The following ABCC6 variants were observed in gnomAD, a reference collection of about 807,000 sequenced individuals.
ABCC6 encodes ATP binding cassette subfamily C member 6.
In ABCC6, 126 loss-of-function variants were observed where a neutral mutation model predicts 169.5. That is an observed-to-expected ratio of 0.74 (90% CI 0.64 to 0.86). The LOEUF (loss-of-function observed/expected upper bound fraction) is 0.86. Ranked by LOEUF, ABCC6 falls within the 40% of genes least tolerant of loss-of-function variation. The probability of loss-of-function intolerance (pLI) is 0.00; values close to 1 mark genes in which losing one functional copy is unlikely to be tolerated. For synonymous variants in ABCC6, 752 were observed against 814.7 expected (o/e 0.92, Z 1.31); for missense variants, 1,733 against 1,927.2 (o/e 0.90, Z 1.89).
chr16:16,173,177 C>T, intron 21 of ABCC6, 107 bp downstream of exon 21: 1 of 1,507,762 alleles, frequency 6.6e-7, no homozygotes, highest in Non-Finnish European at 9.1e-7. Context: ...ATAGTAGGTG[C>T]TCAAGAAAGG....
At chr16:16,188,442 G>C (rs2047726198) in intron 13 of ABCC6, among the ~76,000 whole-genome samples, 1 of 152,096 alleles carries the variant, frequency 6.6e-6, no homozygotes, top group South Asian at 2.1e-4. Context: ...AGATGGCTCA[G>C]GTATGCCGCC....
chr16:16,163,283 C>T, intron 23 of ABCC6, 91 bp from the exon 24 acceptor site: 2 of 1,250,352 alleles, frequency 1.6e-6, no homozygotes, highest in Non-Finnish European at 2.3e-6. Flanking sequence ...GTACAGGATT[C>T]CAGACCAGGA....
chr16:16,154,339 AAAAT>A (rs1248925981), intron 29 of ABCC6, among the ~76,000 whole-genome samples: 1 of 152,196 alleles, frequency 6.6e-6, no homozygotes, highest in African/African-American at 2.4e-5. Flanking sequence ...TTTTCATAGC[AAAAT>A]AAATACTGAG....
At position 16,149,959 on chromosome 16, in the gene ABCC6, G is replaced by A. The variant is rs545346754; in HGVS notation, c.*174C>T. ...GACCTGTGTATTGCTAGGTCCTTCC[G>A]GCTCTGATGCTCTGTGATAATTGGC... On this transcript the variant is annotated 3_prime_UTR_variant, in exon 31 of 31. Transcript: ENST00000205557. 8.0e-6 allele frequency: 8 copies of A among 998,578 alleles called. No individual in the cohort carries two copies. The highest frequency in any genetic ancestry group is 2.6e-5 in the East Asian group (1 of 38,184). The allele number at this position is 998,578 out of a possible 1,614,324, so 61.9% of individuals were successfully genotyped here.
chr16:16,169,006 C>T (rs139881804), intron 22 of ABCC6, among the ~76,000 whole-genome samples: 5 of 152,154 alleles, frequency 3.3e-5, no homozygotes, highest in East Asian at 3.9e-4. Context: ...GCTTGAACCT[C>T]GGAGATGGGG....
chr16:16,191,965 C>T (rs1049743122), intron 11 of ABCC6, among the ~76,000 whole-genome samples: 1 of 152,180 alleles, frequency 6.6e-6, no homozygotes, highest in South Asian at 2.1e-4. Flanking sequence ...TCAACCCTGC[C>T]GGGTGCTTCC....
chr16:16,201,880 T>C, intron 9 of ABCC6, 121 bp downstream of exon 9: 1 of 1,076,504 alleles, frequency 9.3e-7, no homozygotes, highest in Admixed American at 1.8e-5. Context: ...TGAGAATGTA[T>C]GGTGAGTGAC....
intron 22 of ABCC6, among the ~76,000 whole-genome samples, chr16:16,168,004 T>G (rs1057087125): frequency 1.3e-5 from 2 of 152,182 alleles, no homozygotes; most frequent in African/African-American, 4.8e-5. Flanking sequence ...ACCATTCGCC[T>G]TGAGTATTCC....
chr16:16,190,364 C>A lies in ABCC6; in HGVS notation c.1435G>T (p.Glu479Ter). ...ISKKRNHHQE[E>*]QMRQKDSRAR... ...CGTGAGTCCTTCTGCCTCATTTGCTCCTCCTGGGATCGGAGGGAAAAAGAG... is the reference window on the plus strand; with the variant it reads ...CGTGAGTCCTTCTGCCTCATTTGCTACTCCTGGGATCGGAGGGAAAAAGAG... The change falls in exon 12 of 31, where the codon GAG becomes TAG. Residue 479 changes from glutamate (E) to a stop codon, truncating the protein, a stop_gained. Transcript: ENST00000205557. LOFTEE classifies it high-confidence loss of function. 1 of 1,614,098 alleles carries A rather than the reference C, an allele frequency of 6.2e-7. No homozygotes were observed. The highest frequency in any genetic ancestry group is 1.1e-5 in the South Asian group (1 of 91,086).
chr16:16,151,050 C>T (rs1052370650), intron 29 of ABCC6, among the ~76,000 whole-genome samples: 2 of 152,050 alleles, frequency 1.3e-5, no homozygotes, highest in Non-Finnish European at 2.9e-5. Flanking sequence ...GTTTATGGCT[C>T]TTTTTTTCTT....
intron 12 of ABCC6, among the ~76,000 whole-genome samples, 182 bp from the exon 13 acceptor site, chr16:16,189,156 C>T (rs1308692665): frequency 3.3e-5 from 5 of 152,244 alleles, no homozygotes; most frequent in Non-Finnish European, 1.5e-5. Flanking sequence ...TCATAAGCTA[C>T]ATAAGGCTCT....
chr16:16,184,912 T>A (rs1354492869), intron 15 of ABCC6, 47 bp downstream of exon 15: 1 of 1,573,056 alleles, frequency 6.4e-7, no homozygotes, highest in Non-Finnish European at 8.8e-7. Context: ...CCCATGCATC[T>A]TCTCCCTAAA....
chr16:16,159,646 C>G, intron 25 of ABCC6, 63 bp from the exon 26 acceptor site: 1 of 1,472,524 alleles, frequency 6.8e-7, no homozygotes, highest in Non-Finnish European at 9.4e-7. Flanking sequence ...GCAACAGCCC[C>G]CCTGGTTTCC....
chr16:16,203,261 C>T, intron 8 of ABCC6, 149 bp downstream of exon 8: 1 of 1,387,124 alleles, frequency 7.2e-7, no homozygotes. Flanking sequence ...TAATCCATTT[C>T]CCTTCCTCAG....
intron 13 of ABCC6, among the ~76,000 whole-genome samples, chr16:16,187,904 A>AT (rs1555514213): frequency 0.015 from 1,791 of 119,732 alleles, 20 homozygotes; most frequent in Admixed American, 0.022. Context: ...CTCAATAAAT[A>AT]AATTAAATAA....
intron 10 of ABCC6, among the ~76,000 whole-genome samples, chr16:16,197,126 A>G (rs1262808004): frequency 1.3e-5 from 2 of 152,212 alleles, no homozygotes; most frequent in Non-Finnish European, 2.9e-5. Context: ...AACACTAAGT[A>G]GCAATTTTTC....
At chr16:16,200,331 A>T (rs1347438312) in intron 9 of ABCC6, among the ~76,000 whole-genome samples, 1 of 150,528 alleles carries the variant, frequency 6.6e-6, no homozygotes, top group African/African-American at 2.4e-5. Flanking sequence ...CAGGAAGCTG[A>T]GACAGGAGAA....
chr16:16,208,927 G>C, intron 6 of ABCC6, 68 bp from the exon 7 acceptor site: 2 of 1,612,882 alleles, frequency 1.2e-6, no homozygotes, highest in Non-Finnish European at 1.7e-6. Flanking sequence ...GGCCAGGCGA[G>C]TAGCTGTGTG....
chr16:16,180,139 A>G (rs532033155), intron 17 of ABCC6, among the ~76,000 whole-genome samples: 1 of 152,294 alleles, frequency 6.6e-6, no homozygotes, highest in East Asian at 1.9e-4. Context: ...GGTGATGGGA[A>G]CAATAAGGAA....
Sources: allele counts gnomAD v4.1 joint callset (sites outside exome capture counted in the v4.1 genomes callset), GRCh38; gene constraint gnomAD v4.1.1; transcripts MANE v1.5; gene names NCBI Gene and HGNC (gene_info 2026-07-23, HGNC 2026-07-21).